The following ATP8A2 variants were observed in gnomAD, a reference collection of about 807,000 sequenced individuals.
The protein encoded by ATP8A2 is ATPase phospholipid transporting 8A2.
ATP8A2 carries 100 observed loss-of-function variants against 165.6 expected under a neutral mutation model. The observed-to-expected ratio is 0.60, with a 90% confidence interval of 0.51 to 0.71. The LOEUF is 0.71. Ranked by LOEUF, ATP8A2 falls within the 30% of genes least tolerant of loss-of-function variation. The pLI, the probability that ATP8A2 is intolerant of heterozygous loss-of-function variation, is 0.00. For missense variants in ATP8A2, 1,227 were observed against 1,479.5 expected (o/e 0.83, Z 2.80); for synonymous variants, 543 against 548.8 (o/e 0.99, Z 0.15).
At chr13:25,644,376 A>G (rs2041615415) in intron 24 of ATP8A2, among the ~76,000 whole-genome samples, 1 of 152,116 alleles carries the variant, frequency 6.6e-6, no homozygotes, top group Admixed American at 6.6e-5. Context: ...ATTGATTTCC[A>G]TATGTTGAAC....
chr13:25,453,183 A>G (rs1366857578), intron 1 of ATP8A2, among the ~76,000 whole-genome samples: 1 of 150,682 alleles, frequency 6.6e-6, no homozygotes, highest in Admixed American at 6.6e-5. Flanking sequence ...CTGGAGTGCA[A>G]TGGTATGATC....
intron 2 of ATP8A2, among the ~76,000 whole-genome samples, chr13:25,515,443 C>T (rs886906675): frequency 6.6e-6 from 1 of 152,258 alleles, no homozygotes; most frequent in African/African-American, 2.4e-5. Context: ...TTCTTCCTGC[C>T]TCGCAGGCCA....
chr13:25,501,860 A>G (rs983109191), intron 2 of ATP8A2, among the ~76,000 whole-genome samples: 3 of 152,330 alleles, frequency 2.0e-5, no homozygotes, highest in Admixed American at 2.0e-4. Flanking sequence ...TTTTCCAGAA[A>G]GGAGTAGGAC....
chr13:25,553,173 C>T (rs1323473727), intron 11 of ATP8A2, among the ~76,000 whole-genome samples: 3 of 150,864 alleles, frequency 2.0e-5, no homozygotes, highest in African/African-American at 7.3e-5. Flanking sequence ...CTTTGATACC[C>T]CCAGACCTTG....
intron 33 of ATP8A2, among the ~76,000 whole-genome samples, chr13:25,928,853 A>G (rs1285499417): frequency 6.6e-6 from 1 of 152,142 alleles, no homozygotes; most frequent in African/African-American, 2.4e-5. Flanking sequence ...AAAATACGAA[A>G]TCTGAAGTGC....
chr13:25,743,721 A>C (rs1025198698), intron 25 of ATP8A2, among the ~76,000 whole-genome samples: 1 of 152,244 alleles, frequency 6.6e-6, no homozygotes, highest in Non-Finnish European at 1.5e-5. Context: ...AGAGTACCAC[A>C]GTGATTTGTT....
At chr13:25,518,729 G>T (rs1479837548) in intron 2 of ATP8A2, among the ~76,000 whole-genome samples, 1 of 152,094 alleles carries the variant, frequency 6.6e-6, no homozygotes, top group African/African-American at 2.4e-5. Flanking sequence ...AGACTCCTGT[G>T]GTGCCTTGTG....
chr13:25,935,235 A>T (rs893673801), intron 33 of ATP8A2, among the ~76,000 whole-genome samples: 2 of 152,170 alleles, frequency 1.3e-5, no homozygotes, highest in Non-Finnish European at 2.9e-5. Context: ...TTGATATTTC[A>T]TGTAAATTCT....
At chr13:25,737,653 C>T (rs1015185643) in intron 25 of ATP8A2, among the ~76,000 whole-genome samples, 1 of 152,076 alleles carries the variant, frequency 6.6e-6, no homozygotes, top group Non-Finnish European at 1.5e-5. Context: ...CAAATGCCAC[C>T]ACGCCTGGCT....
chr13:25,584,659 A>C (rs2039871004), intron 23 of ATP8A2, among the ~76,000 whole-genome samples: 1 of 152,310 alleles, frequency 6.6e-6, no homozygotes, highest in Non-Finnish European at 1.5e-5. Context: ...CTTAATGACC[A>C]AACTGGTACT....
intron 1 of ATP8A2, among the ~76,000 whole-genome samples, chr13:25,392,821 G>A (rs989856468): frequency 4.6e-5 from 7 of 151,728 alleles, no homozygotes; most frequent in Admixed American, 4.6e-4. Context: ...CATACCTGTA[G>A]TTCCAGTGAC....
intron 33 of ATP8A2, among the ~76,000 whole-genome samples, chr13:25,869,859 A>G (rs1295013089): frequency 6.6e-6 from 1 of 152,194 alleles, no homozygotes; most frequent in Non-Finnish European, 1.5e-5. Context: ...CATGTGTTAC[A>G]GGGTACTCTT....
chr13:25,571,001 T>C (rs1191719749), intron 17 of ATP8A2, 129 bp downstream of exon 17: 2 of 639,342 alleles, frequency 3.1e-6, no homozygotes, highest in African/African-American at 3.7e-5. Context: ...CCTCACCCTG[T>C]GGCCAGGCTG....
intron 33 of ATP8A2, among the ~76,000 whole-genome samples, chr13:25,898,432 C>T (rs914744466): frequency 4.6e-5 from 7 of 152,286 alleles, no homozygotes; most frequent in Non-Finnish European, 2.9e-5. Flanking sequence ...GTCAGTCCGC[C>T]CCTACTGGGG....
intron 25 of ATP8A2, among the ~76,000 whole-genome samples, chr13:25,765,807 G>A (rs2044478716): frequency 6.6e-6 from 1 of 152,046 alleles, no homozygotes; most frequent in Non-Finnish European, 1.5e-5. Flanking sequence ...ATTTCCCATT[G>A]GTTGGCCTAT....
At chr13:25,851,303 C>T (rs867519844) in intron 30 of ATP8A2, among the ~76,000 whole-genome samples, 4 of 152,164 alleles carry the variant, frequency 2.6e-5, no homozygotes, top group African/African-American at 4.8e-5. Flanking sequence ...CATTGTCAGC[C>T]GGATGCCGTG....
chr13:25,994,968 G>A (rs1458514788), intron 35 of ATP8A2, among the ~76,000 whole-genome samples: 1 of 151,780 alleles, frequency 6.6e-6, no homozygotes, highest in Non-Finnish European at 1.5e-5. Context: ...TTAAACTTTT[G>A]GTAAAATTCT....
At chr13:25,907,363 AAAAAT>A (rs145490905) in intron 33 of ATP8A2, among the ~76,000 whole-genome samples, 19 of 151,776 alleles carry the variant, frequency 1.3e-4, no homozygotes, top group Admixed American at 2.0e-4. Context: ...AAATAAATAA[AAAAAT>A]AAAATAAAAT....
rs773557104 is a variant in ATP8A2 at position 25,577,157 on chromosome 13, T to C, written c.1782+19T>C. 3.1e-6 allele frequency: 5 copies of C among 1,610,266 alleles called. No homozygotes were observed. The Admixed American group carries it at 8.3e-5, about 27-fold the overall frequency. On this transcript the variant is annotated intron_variant, in intron 20 of 36. Coordinates refer to ENST00000381655, the MANE Select transcript of ATP8A2 (RefSeq NM_016529.6). ...AGGGGCTGTAAGTACCGGAGAAGCG[T>C]TGTGCGTAGCGGAGTTCTTGGCAGC...
Sources: allele counts gnomAD v4.1 joint callset (sites outside exome capture counted in the v4.1 genomes callset), GRCh38; gene constraint gnomAD v4.1.1; transcripts MANE v1.5; gene names NCBI Gene and HGNC (gene_info 2026-07-23, HGNC 2026-07-21).